Variants in NLGN4X observed in about 807,000 individuals in gnomAD.
NLGN4X encodes the protein neuroligin 4 X-linked, also known as neuroligin-4, X-linked.
A neutral mutation model predicts 40.3 loss-of-function variants in NLGN4X; 3 were observed. The ratio of observed to expected loss-of-function variants is 0.07; its 90% confidence interval spans 0.03 to 0.19. The LOEUF (loss-of-function observed/expected upper bound fraction) is 0.19, where lower values mean the gene tolerates loss of function less well. Among genes scored for constraint, NLGN4X ranks in the 10% least tolerant of loss-of-function variants. NLGN4X has a pLI of 1.00. For missense variants in NLGN4X, 382 were observed against 708.3 expected, an observed-to-expected ratio of 0.54 and a Z score of 5.23; for synonymous variants, 270 against 306.8, an observed-to-expected ratio of 0.88 and a Z score of 1.25.
intron 2 of NLGN4X, among the ~76,000 whole-genome samples, chrX:6,037,327 T>A (rs933482987): frequency 9.3e-6 from 1 of 107,423 alleles, no homozygotes; most frequent in Admixed American, 1.0e-4. Flanking sequence ...AAAATAAAAA[T>A]AAAAAAATTA....
At chrX:5,932,488 T>TG (rs2033582932) in intron 3 of NLGN4X, among the ~76,000 whole-genome samples, 1 of 111,837 alleles carries the variant, frequency 8.9e-6, no homozygotes, top group Admixed American at 9.6e-5. Flanking sequence ...ATATAATGAT[T>TG]GGAACAGATC....
chrX:6,219,161 GTA>G (rs368475429), intron 1 of NLGN4X, among the ~76,000 whole-genome samples: 5 of 94,751 alleles, frequency 5.3e-5, no homozygotes, highest in Admixed American at 1.2e-4. Context: ...GTGTGTGTGT[GTA>G]TATATATATA....
rs568650097 is a variant in NLGN4X at position 6,108,628 on chromosome X, G to A, written c.472+42367C>T. ...GAGCCCAGGAGGTCGAGGCTGCAGTGAGCCAAAATCGCTCTACTGCACTCC... is the reference window on the plus strand; with the variant it reads ...GAGCCCAGGAGGTCGAGGCTGCAGTAAGCCAAAATCGCTCTACTGCACTCC... On this transcript the variant is annotated intron_variant, in intron 2 of 5. Coordinates refer to ENST00000381095, the MANE Select transcript of NLGN4X (RefSeq NM_181332.3). Among the ~76,000 whole-genome samples, 9 of 111,499 alleles carry A rather than the reference G, an allele frequency of 8.1e-5. 1 individual carries two copies. The South Asian group carries it at 3.4e-3, about 43-fold the overall frequency.
intron 3 of NLGN4X, among the ~76,000 whole-genome samples, chrX:6,011,329 A>C (rs1362120242): frequency 9.3e-6 from 1 of 107,204 alleles, no homozygotes; most frequent in African/African-American, 3.4e-5. Context: ...ATTCAAATGA[A>C]TGAATCTCTA....
intron 1 of NLGN4X, among the ~76,000 whole-genome samples, chrX:6,159,983 A>T (rs2040350512): frequency 9.0e-6 from 1 of 111,286 alleles, no homozygotes; most frequent in South Asian, 3.8e-4. Context: ...GAGTAGAATG[A>T]TGGCTACCAG....
chrX:6,182,473 G>A (rs7061743), intron 1 of NLGN4X, among the ~76,000 whole-genome samples: 3,277 of 111,873 alleles, frequency 0.029, 126 homozygotes, highest in African/African-American at 0.099. Context: ...GATGACCCCT[G>A]AGATGCATCA....
intron 1 of NLGN4X, among the ~76,000 whole-genome samples, chrX:6,217,824 G>A (rs140296498): frequency 0.013 from 1,495 of 111,452 alleles, 27 homozygotes; most frequent in African/African-American, 0.046. Flanking sequence ...GTTTGAGACA[G>A]CATGAGGGGC....
intron 2 of NLGN4X, among the ~76,000 whole-genome samples, chrX:6,030,736 T>C (rs2036836496): frequency 8.9e-6 from 1 of 111,872 alleles, no homozygotes; most frequent in African/African-American, 3.2e-5. Context: ...GAAAAGTGTC[T>C]TTTGTTTTCT....
intron 2 of NLGN4X, among the ~76,000 whole-genome samples, chrX:6,119,166 G>A (rs2039366376): frequency 8.9e-6 from 1 of 111,886 alleles, no homozygotes; most frequent in South Asian, 3.7e-4. Context: ...ACAATTATCA[G>A]CACCTAGAAA....
chrX:5,962,889 C>T (rs1194708556), intron 3 of NLGN4X, among the ~76,000 whole-genome samples: 1 of 111,489 alleles, frequency 9.0e-6, no homozygotes, highest in Non-Finnish European at 1.9e-5. Context: ...GGGCTTCCAG[C>T]CTCCAGAACT....
At chrX:6,039,078 A>G (rs1394333825) in intron 2 of NLGN4X, among the ~76,000 whole-genome samples, 2 of 110,790 alleles carry the variant, frequency 1.8e-5, no homozygotes, top group Admixed American at 1.9e-4. Flanking sequence ...CTCCCCATGA[A>G]TTTACTATTC....
chrX:6,171,709 A>G (rs188010760), intron 1 of NLGN4X, among the ~76,000 whole-genome samples: 2 of 112,475 alleles, frequency 1.8e-5, no homozygotes, highest in East Asian at 5.6e-4. Flanking sequence ...CAGTGAAGAC[A>G]TGAAGCATTC....
At chrX:6,209,197 G>A (rs1168742941) in intron 1 of NLGN4X, among the ~76,000 whole-genome samples, 1 of 111,577 alleles carries the variant, frequency 9.0e-6, no homozygotes, top group African/African-American at 3.3e-5. Flanking sequence ...CATGGACACA[G>A]AGAGTGGAAT....
chrX:6,216,231 G>C (rs1046741426), intron 1 of NLGN4X, among the ~76,000 whole-genome samples: 16 of 111,844 alleles, frequency 1.4e-4, no homozygotes, highest in Non-Finnish European at 1.1e-4. Context: ...TGTCAGATGA[G>C]AGCTGGGATG....
intron 5 of NLGN4X, among the ~76,000 whole-genome samples, chrX:5,900,739 A>T (rs2031811936): frequency 9.3e-6 from 1 of 107,876 alleles, no homozygotes; most frequent in African/African-American, 3.4e-5. Context: ...ATGCACAGCT[A>T]AATTTTTTCA....
intron 2 of NLGN4X, among the ~76,000 whole-genome samples, chrX:6,034,279 G>A (rs1277939664): frequency 3.6e-5 from 4 of 111,820 alleles, no homozygotes; most frequent in Non-Finnish European, 5.6e-5. Context: ...CTTAGCATAT[G>A]TTTTCAATGT....
intron 1 of NLGN4X, among the ~76,000 whole-genome samples, chrX:6,162,537 C>G (rs944945466): frequency 1.5e-4 from 17 of 111,811 alleles, no homozygotes; most frequent in African/African-American, 4.9e-4. Flanking sequence ...TTCCTGCCCT[C>G]AAACATCAGA....
chrX:5,903,746 G>T lies in NLGN4X; in HGVS notation c.932C>A (p.Thr311Asn). 1 of 1,211,842 alleles carries T rather than the reference G, an allele frequency of 8.3e-7. No individual in the cohort carries two copies. Among genetic ancestry groups the T allele is most frequent in the Non-Finnish European group, 1.1e-6 (1 of 895,578 alleles). The change falls in exon 5 of 6, where the codon ACC becomes AAC. Residue 311 changes from threonine (T) to asparagine (N), a missense_variant. This residue lies in a region of NLGN4X where 29 missense variants were observed against 32.1 expected (regional missense o/e 0.90). Coordinates refer to ENST00000381095, the MANE Select transcript of NLGN4X (RefSeq NM_181332.3). ...CCGCAGGCATTCTACCATGTCCGTG[G>T]TGTCCAGCATGTTGCAGCCGACCTT... ...ADKVGCNMLD[T>N]TDMVECLRNK...
intron 1 of NLGN4X, among the ~76,000 whole-genome samples, chrX:6,207,544 A>C (rs768700618): frequency 8.9e-6 from 1 of 112,323 alleles, no homozygotes; most frequent in Non-Finnish European, 1.9e-5. Context: ...GAGTGGCTTA[A>C]TGAAAATAAT....
Sources: gnomAD v4.1 joint callset for allele counts (sites outside exome capture counted in the v4.1 genomes callset) on GRCh38, gnomAD v4.1.1 for gene constraint, gnomAD v4.1.1 regional missense constraint, MANE v1.5 for transcripts, NCBI Gene and HGNC (gene_info 2026-07-23, HGNC 2026-07-21) for gene names.